LHX6: variants seen among roughly 807,000 people sequenced by gnomAD.
The protein encoded by LHX6 is LIM/homeobox protein Lhx6.
LHX6 carries 15 observed loss-of-function variants against 47.1 expected under a neutral mutation model. The ratio of observed to expected loss-of-function variants is 0.32; its 90% CI spans 0.21 to 0.49. LHX6 has a LOEUF of 0.49. LHX6 is among the 20% of genes least tolerant of loss of function. The pLI is 0.99. For missense variants in LHX6, 404 were observed against 539.6 expected, an observed-to-expected ratio of 0.75 and a Z score of 2.49; for synonymous variants, 242 against 233.5, an observed-to-expected ratio of 1.04 and a Z score of -0.33.
intron 4 of LHX6, among the ~76,000 whole-genome samples, chr9:122,223,346 C>T (rs1830952418): frequency 6.6e-6 from 1 of 152,172 alleles, no homozygotes; most frequent in South Asian, 2.1e-4. Flanking sequence ...GATTAGTGCT[C>T]AGAACCTGCA....
chr9:122,213,966 C>T lies in LHX6; in HGVS notation c.879+8G>A, dbSNP rs774253115. The T allele has an allele frequency of 1.9e-6, 3 of 1,580,130 alleles. No homozygotes were observed. The highest frequency in any genetic ancestry group is 2.6e-6 in the Non-Finnish European group (3 of 1,161,540). The stretch of plus-strand genomic sequence containing the variant: ...GCGGTCCCCAGGCCCCGCCCACCCC[C>T]GTCCCACCTGGATGACTCTCCGGCT... On this transcript the variant is annotated splice_region_variant and intron_variant, in intron 7 of 9. Transcript: ENST00000394319. The surrounding 1 kb of genome is among the most constrained non-coding windows in gnomAD (Gnocchi z 5.5).
chr9:122,222,165 G>A (rs1054629284), intron 4 of LHX6, among the ~76,000 whole-genome samples: 2 of 152,218 alleles, frequency 1.3e-5, no homozygotes, highest in Non-Finnish European at 2.9e-5. Flanking sequence ...TATACAGCAG[G>A]CATGATGTTC....
intron 4 of LHX6, among the ~76,000 whole-genome samples, chr9:122,223,131 C>T (rs763722164): frequency 6.6e-6 from 1 of 152,180 alleles, no homozygotes; most frequent in Non-Finnish European, 1.5e-5. Context: ...GGCACTCGAT[C>T]GGCTTTTTCT....
At position 122,226,464 on chromosome 9, in the gene LHX6, C is replaced by G. The variant is rs1442941361; in HGVS notation, c.373G>C (p.Glu125Gln). The change falls in exon 4 of 10, where the codon GAG becomes CAG. Residue 125 changes from glutamate (E) to glutamine (Q), a missense_variant. By Grantham distance (29) the Glu-to-Gln change is conservative. Coordinates refer to ENST00000394319, the MANE Select transcript of LHX6 (RefSeq NM_014368.5). The surrounding 1 kb of genome is among the most constrained non-coding windows in gnomAD (Gnocchi z 6.5). ...AGCGACGTGCGACACACGGAGCACT[C>G]GAGGCACCGCACGTGCCAGATGAGG... ...NNLIWHVRCL[E>Q]CSVCRTSLRQ... is the part of the protein sequence containing the mutation. The G allele has an allele frequency of 3.1e-6, 5 of 1,613,598 alleles. No homozygotes were observed. Among genetic ancestry groups the G allele is most frequent in the Admixed American group, 1.7e-5 (1 of 59,966 alleles).
At chr9:122,221,812 G>T in intron 4 of LHX6, 1 of 683,512 alleles carries the variant, frequency 1.5e-6, no homozygotes, top group Non-Finnish European at 1.8e-6. Flanking sequence ...GCCCCACGAT[G>T]CACAGACGGG....
intron 4 of LHX6, among the ~76,000 whole-genome samples, chr9:122,224,771 A>G (rs1831021935): frequency 6.6e-6 from 1 of 152,162 alleles, no homozygotes; most frequent in African/African-American, 2.4e-5. Context: ...TGACACCCAC[A>G]CATGAACTAA....
At chr9:122,221,240 A>G (rs1030660965) in intron 4 of LHX6, 2 of 985,240 alleles carry the variant, frequency 2.0e-6, no homozygotes, top group Non-Finnish European at 2.4e-6. Flanking sequence ...AAAAACCCAG[A>G]ACCAGCAATT....
At chr9:122,208,981 A>C (rs549848731) in intron 9 of LHX6, among the ~76,000 whole-genome samples, 1 of 152,186 alleles carries the variant, frequency 6.6e-6, no homozygotes, top group East Asian at 1.9e-4. Flanking sequence ...TGGAGCTGGG[A>C]GGGAGGTAAG....
intron 1 of LHX6, chr9:122,228,089 C>T (rs1447107868): frequency 3.3e-6 from 2 of 601,752 alleles, no homozygotes; most frequent in Non-Finnish European, 5.8e-6. Context: ...AAAGAAAACC[C>T]CGAGCGCGGT....
chr9:122,211,710 C>T (rs1397950804), intron 8 of LHX6, among the ~76,000 whole-genome samples: 3 of 152,218 alleles, frequency 2.0e-5, no homozygotes, highest in African/African-American at 7.2e-5. Flanking sequence ...TCAGCCTCTT[C>T]TCTAAGCAGC....
intron 4 of LHX6, among the ~76,000 whole-genome samples, chr9:122,225,828 G>A (rs930429507): frequency 2.0e-5 from 3 of 152,210 alleles, no homozygotes; most frequent in East Asian, 3.9e-4. Flanking sequence ...GATCTGAGAC[G>A]GTTGCGGCGC....
intron 4 of LHX6, among the ~76,000 whole-genome samples, chr9:122,219,918 C>T (rs1830769147): frequency 6.6e-6 from 1 of 152,256 alleles, no homozygotes; most frequent in African/African-American, 2.4e-5. Context: ...ATTCTGGAAT[C>T]TCCAGCGCGG....
chr9:122,226,159 G>GCAGATCC lies in LHX6; in HGVS notation c.461+210_461+216dup, dbSNP rs1831087186. 2.0e-5 allele frequency among the ~76,000 whole-genome samples: 3 copies of GCAGATCC among 152,210 alleles called. No homozygotes were observed. Among genetic ancestry groups the GCAGATCC allele is most frequent in the Admixed American group, 1.3e-4 (2 of 15,294 alleles). Reference sequence around the variant, plus strand: ...ACCCAATGGACCGCGAGGACCGAAGGCAGATCCGGGGCGCAAACCTGTGCA... The same window carrying GCAGATCC: ...ACCCAATGGACCGCGAGGACCGAAGGCAGATCCCAGATCCGGGGCGCAAACCTGTGCA... On this transcript the variant is annotated intron_variant, in intron 4 of 9. Coordinates refer to ENST00000394319, the MANE Select transcript of LHX6 (RefSeq NM_014368.5). This position sits in a 1 kb window ranked among gnomAD's most constrained non-coding sequence, Gnocchi z 6.5.
At position 122,204,345 on chromosome 9, in the gene LHX6, T is replaced by G; in HGVS notation, c.*415A>C. On this transcript the variant is annotated 3_prime_UTR_variant, in exon 10 of 10. Coordinates refer to ENST00000394319, the MANE Select transcript of LHX6 (RefSeq NM_014368.5). ...ATTGGGGGTTGTCAGCTATTCAGAA[T>G]TCAGAGATGGTTCCAAGGAAGTAGT... is the stretch of plus-strand genomic sequence containing the variant. The G allele has an allele frequency of 4.2e-6, 1 of 235,998 alleles. No homozygotes were observed. Among genetic ancestry groups the G allele is most frequent in the East Asian group, 8.1e-5 (1 of 12,356 alleles). The allele number at this position is 235,998 out of a possible 1,614,324, so 14.6% of individuals were successfully genotyped here.
chr9:122,226,336 T>C lies in LHX6; in HGVS notation c.461+40A>G, dbSNP rs992277730. The C allele has an allele frequency of 5.7e-6, 9 of 1,589,160 alleles. No individual in the cohort carries two copies. Among genetic ancestry groups the C allele is most frequent in the Non-Finnish European group, 7.7e-6 (9 of 1,166,714 alleles). On this transcript the variant is annotated intron_variant, in intron 4 of 9. Transcript: ENST00000394319. The surrounding 1 kb of genome is among the most constrained non-coding windows in gnomAD (Gnocchi z 6.5). Reference sequence around the variant, plus strand: ...GTGGCCTCCGAATGCGCCCGGGGCCTGCCCTCGGCGACACTGCTGGCTCGG... The same window carrying C: ...GTGGCCTCCGAATGCGCCCGGGGCCCGCCCTCGGCGACACTGCTGGCTCGG...
In LHX6 at chr9:122,214,426, C is replaced by A; in HGVS notation, c.683-43G>T. 1 of 1,500,490 alleles carries A rather than the reference C, an allele frequency of 6.7e-7. No homozygotes were observed. The allele number at this position is 1,500,490 out of a possible 1,614,324, so 92.9% of individuals were successfully genotyped here. On this transcript the variant is annotated intron_variant, in intron 5 of 9. Coordinates refer to ENST00000394319, the MANE Select transcript of LHX6 (RefSeq NM_014368.5). The surrounding 1 kb of genome is among the most constrained non-coding windows in gnomAD (Gnocchi z 4.6). ...AGCTGACCACGCGTCCCCATCTCTT[C>A]TAGTGGCAGCCTGGAAAGGACGGGG...
chr9:122,204,557 T>C lies in LHX6; in HGVS notation c.*203A>G. On this transcript the variant is annotated 3_prime_UTR_variant, in exon 10 of 10. Coordinates refer to ENST00000394319, the MANE Select transcript of LHX6 (RefSeq NM_014368.5). ...GAGTTCTGCCTTCCAAGAGGAGGAC[T>C]CTGTGGTGCTCCTGGTGGGTTCTGG... 1 of 475,036 alleles carries C rather than the reference T, an allele frequency of 2.1e-6. No individual in the cohort carries two copies. The highest frequency in any genetic ancestry group is 4.1e-5 in the Admixed American group (1 of 24,456). The allele number at this position is 475,036 out of a possible 1,614,324, so 29.4% of individuals were successfully genotyped here.
intron 1 of LHX6, chr9:122,228,276 G>C (rs1028277946): frequency 1.2e-5 from 19 of 1,534,930 alleles, no homozygotes; most frequent in Non-Finnish European, 1.6e-5. Flanking sequence ...GGAGGAAAAA[G>C]CACCCTCCAG....
At chr9:122,206,725 T>C (rs1830194014) in intron 9 of LHX6, among the ~76,000 whole-genome samples, 1 of 152,170 alleles carries the variant, frequency 6.6e-6, no homozygotes, top group South Asian at 2.1e-4. Flanking sequence ...CCCAGCCCTC[T>C]GTACCTCCAG....
Sources: allele counts gnomAD v4.1 joint callset (sites outside exome capture counted in the v4.1 genomes callset), GRCh38; gene constraint gnomAD v4.1.1; non-coding constraint Gnocchi (gnomAD v3.1); transcripts MANE v1.5; gene names NCBI Gene and HGNC (gene_info 2026-07-23, HGNC 2026-07-21).